RIC8B: variants seen among roughly 807,000 people sequenced by gnomAD.
RIC8B encodes the protein chaperone Ric-8B.
A neutral mutation model predicts 57.5 loss-of-function variants in RIC8B; 16 were observed. That is an observed-to-expected ratio of 0.28 (90% confidence interval 0.19 to 0.42). RIC8B has a LOEUF of 0.42. Ranked by LOEUF, RIC8B falls within the 10% of genes least tolerant of loss-of-function variation. RIC8B has a pLI of 1.00. For missense variants in RIC8B, 481 were observed against 677.0 expected (o/e 0.71, Z 3.21); for synonymous variants, 216 against 250.8 (o/e 0.86, Z 1.31).
rs1053091336 is a variant in RIC8B at position 106,887,589 on chromosome 12, A to G, written c.*1574A>G. ...AATATCACTCTTAGACTCTGAACTG[A>G]AATTTGCATACGCTTCCAACATGTT... On this transcript the variant is annotated 3_prime_UTR_variant, in exon 10 of 10. Coordinates refer to ENST00000392837, the MANE Select transcript of RIC8B (RefSeq NM_001330145.2). 6.6e-6 allele frequency: 1 copy of G among 152,238 alleles called. No individual in the cohort carries two copies. The highest frequency in any genetic ancestry group is 2.4e-5 in the African/African-American group (1 of 41,462). The allele number at this position is 152,238 out of a possible 1,614,324, so 9.4% of individuals were successfully genotyped here.
chr12:106,859,635 A>G (rs1283978193), intron 7 of RIC8B, among the ~76,000 whole-genome samples: 3 of 152,264 alleles, frequency 2.0e-5, no homozygotes, highest in Non-Finnish European at 4.4e-5. Flanking sequence ...TATCTTACCC[A>G]AGGTCAACCA....
In RIC8B at chr12:106,883,479, T is replaced by C. The variant is rs77159634; in HGVS notation, c.1572-2425T>C. Among the ~76,000 whole-genome samples the C allele has an allele frequency of 7.3e-3, 1,109 of 152,256 alleles. 14 individuals carry two copies. Among genetic ancestry groups the C allele is most frequent in the African/African-American group, 0.026 (1,069 of 41,532 alleles). The stretch of plus-strand genomic sequence containing the variant: ...CTCAAGCCCTTCAAGTCCTAAAATA[T>C]ATCAGAATCTCCCCACCAAATCTCC... On this transcript the variant is annotated intron_variant, in intron 9 of 9. Coordinates refer to ENST00000392837, the MANE Select transcript of RIC8B (RefSeq NM_001330145.2).
chr12:106,777,487 T>C (rs902898212), intron 1 of RIC8B, among the ~76,000 whole-genome samples: 3 of 152,144 alleles, frequency 2.0e-5, no homozygotes, highest in Admixed American at 2.0e-4. Context: ...TTATAGGGCA[T>C]TGAGGAGTCC....
chr12:106,774,945 A>T (rs964419662), intron 1 of RIC8B, 116 bp downstream of exon 1: 1 of 789,482 alleles, frequency 1.3e-6, no homozygotes, highest in African/African-American at 1.8e-5. Flanking sequence ...CTCTCCCCCG[A>T]AAACGTTTCC....
chr12:106,804,985 G>A (rs780423193), intron 2 of RIC8B, among the ~76,000 whole-genome samples: 23 of 152,140 alleles, frequency 1.5e-4, no homozygotes, highest in Admixed American at 9.8e-4. Flanking sequence ...ACAGAAGTTT[G>A]GACAGGCATT....
At chr12:106,794,516 G>C (rs1163467790) in intron 2 of RIC8B, among the ~76,000 whole-genome samples, 1 of 152,102 alleles carries the variant, frequency 6.6e-6, no homozygotes, top group Non-Finnish European at 1.5e-5. Flanking sequence ...CCAAAGACGA[G>C]GAGAAAATCT....
chr12:106,838,535 CAAA>C (rs34383569), intron 4 of RIC8B, among the ~76,000 whole-genome samples: 4 of 94,734 alleles, frequency 4.2e-5, no homozygotes, highest in African/African-American at 3.9e-5. Context: ...AATACCCTGT[CAAA>C]AAAAAAAAAA....
At chr12:106,835,036 G>A (rs2136379378) in intron 4 of RIC8B, among the ~76,000 whole-genome samples, 1 of 144,262 alleles carries the variant, frequency 6.9e-6, no homozygotes, top group East Asian at 2.0e-4. Context: ...CCCACACCCA[G>A]TAGATCATCT....
intron 4 of RIC8B, among the ~76,000 whole-genome samples, chr12:106,838,587 C>T (rs182238967): frequency 7.4e-5 from 11 of 149,094 alleles, no homozygotes; most frequent in Middle Eastern, 3.5e-3. Flanking sequence ...GAGCAGGAGA[C>T]GTGAGAGAAA....
At chr12:106,797,009 A>G (rs2044515097) in intron 2 of RIC8B, among the ~76,000 whole-genome samples, 1 of 152,238 alleles carries the variant, frequency 6.6e-6, no homozygotes, top group South Asian at 2.1e-4. Context: ...AACAAAAAAG[A>G]TAACAAGTGT....
At chr12:106,775,056 C>A in intron 1 of RIC8B, 1 of 553,110 alleles carries the variant, frequency 1.8e-6, no homozygotes, top group Non-Finnish European at 3.3e-6. Flanking sequence ...CCTGGCCCAG[C>A]AGCTTGACCT....
chr12:106,849,287 GTTTA>G (rs60536359), intron 6 of RIC8B, among the ~76,000 whole-genome samples: 56,211 of 143,684 alleles, frequency 0.39, 11,171 homozygotes, highest in Middle Eastern at 0.46. Context: ...TTTTTAAATA[GTTTA>G]TTTATTTATT....
chr12:106,812,708 A>G (rs1009764692), intron 2 of RIC8B, among the ~76,000 whole-genome samples: 1 of 152,238 alleles, frequency 6.6e-6, no homozygotes, highest in Non-Finnish European at 1.5e-5. Context: ...TGTCTTGAAT[A>G]TGAAAGATCT....
chr12:106,843,559 A>G (rs1949047278), intron 5 of RIC8B, among the ~76,000 whole-genome samples: 1 of 151,804 alleles, frequency 6.6e-6, no homozygotes, highest in African/African-American at 2.4e-5. Context: ...CATCTCTACT[A>G]AAAGTACAAA....
At chr12:106,866,103 T>C (rs1045344531) in intron 8 of RIC8B, among the ~76,000 whole-genome samples, 2 of 152,192 alleles carry the variant, frequency 1.3e-5, no homozygotes, top group Non-Finnish European at 2.9e-5. Flanking sequence ...CTTCTGACAT[T>C]CCATATAACT....
At chr12:106,794,688 C>T (rs2044399880) in intron 2 of RIC8B, among the ~76,000 whole-genome samples, 2 of 152,118 alleles carry the variant, frequency 1.3e-5, no homozygotes, top group African/African-American at 4.8e-5. Context: ...TTTTTTAACA[C>T]TGCAAGGGAG....
Position 106,814,791 on chromosome 12 carries a change from C to T in RIC8B, c.228C>T (p.Asp76=). Residue 76 remains aspartate (D), a synonymous_variant, in exon 3 of 10, where the codon GAC becomes GAT. Transcript: ENST00000392837. ...AAGTACTCCGCATTCTCTCCAGAGACAAAAAGGTTTTAGTTCCTGTGACAA... is the reference window on the plus strand; with the variant it reads ...AAGTACTCCGCATTCTCTCCAGAGATAAAAAGGTTTTAGTTCCTGTGACAA... ...CLEVLRILSR[D]KKVLVPVTTK... is the part of the protein sequence containing the mutation. 6.2e-7 allele frequency: 1 copy of T among 1,614,190 alleles called. No individual in the cohort carries two copies. Among genetic ancestry groups the T allele is most frequent in the Non-Finnish European group, 8.5e-7 (1 of 1,180,014 alleles).
intron 2 of RIC8B, among the ~76,000 whole-genome samples, chr12:106,813,254 G>A (rs979801930): frequency 5.2e-5 from 7 of 135,024 alleles, no homozygotes; most frequent in African/African-American, 2.0e-4. Flanking sequence ...GCAGTGGCAT[G>A]ATCTTGGCTC....
intron 1 of RIC8B, 110 bp from the exon 2 acceptor site, chr12:106,783,887 G>T: frequency 2.2e-6 from 2 of 896,778 alleles, no homozygotes; most frequent in East Asian, 2.5e-5. Context: ...ATTGAGATAC[G>T]GGAAGGCAAC....
Sources: allele counts gnomAD v4.1 joint callset (sites outside exome capture counted in the v4.1 genomes callset), GRCh38; gene constraint gnomAD v4.1.1; transcripts MANE v1.5; gene names NCBI Gene and HGNC (gene_info 2026-07-23, HGNC 2026-07-21).